The following SIK3 variants were observed in gnomAD, a reference collection of about 807,000 sequenced individuals.
The protein encoded by SIK3 is SIK family kinase 3, also known as serine/threonine-protein kinase SIK3.
Under a neutral mutation model 144.2 loss-of-function variants are expected in SIK3, and 28 were observed. The ratio of observed to expected loss-of-function variants is 0.19; its 90% CI spans 0.14 to 0.27. SIK3 has a LOEUF of 0.27. SIK3 is among the 10% of genes least tolerant of loss of function. SIK3 has a pLI of 1.00. For synonymous variants in SIK3, 686 were observed against 676.3 expected (o/e 1.01, Z -0.22); for missense variants, 1,319 against 1,776.0 (o/e 0.74, Z 4.62).
chr11:116,974,226 A>G (rs1949869334), intron 1 of SIK3, among the ~76,000 whole-genome samples: 1 of 152,218 alleles, frequency 6.6e-6, no homozygotes. Context: ...ATTCAAATTC[A>G]GTCTTAAATT....
In SIK3 at chr11:116,857,810, C is replaced by T; in HGVS notation, c.3655G>A (p.Glu1219Lys). ...ACTTCCACTGTGAGGAGACACTTAC[C>T]TCTGCTGGGCACCTTATTTTTACTG... ...AFSKNKVPSREPVIGNCMDRS... is the reference protein window; with the variant it reads ...AFSKNKVPSRKPVIGNCMDRS... The change falls in exon 21 of 25, where the codon GAG becomes AAG. Residue 1219 changes from glutamate to lysine, a missense_variant and splice_region_variant. Coordinates refer to ENST00000445177, the MANE Select transcript of SIK3 (RefSeq NM_001366686.3). 6.2e-7 allele frequency: 1 copy of T among 1,613,952 alleles called. No individual in the cohort carries two copies. Among genetic ancestry groups the T allele is most frequent in the Non-Finnish European group, 8.5e-7 (1 of 1,179,900 alleles).
Position 117,013,972 on chromosome 11 carries a change from C to CTTTTCTTTTTTTTTTT in SIK3, c.274-56909_274-56908insAAAAAAAAAAAGAAAA, listed in dbSNP as rs1951409266. Reference sequence around the variant, plus strand: ...TGTGTTTTATTTCTTTTTTTCTTTTCTTTTTTTTTTTTTTTTTTTTTTGAG... The same window carrying CTTTTCTTTTTTTTTTT: ...TGTGTTTTATTTCTTTTTTTCTTTTCTTTTCTTTTTTTTTTTTTTTTTTTTTTTTTTTTTTTTTGAG... On this transcript the variant is annotated intron_variant, in intron 1 of 24. Coordinates refer to ENST00000445177, the MANE Select transcript of SIK3 (RefSeq NM_001366686.3). Among the ~76,000 whole-genome samples the CTTTTCTTTTTTTTTTT allele has an allele frequency of 7.4e-5, 2 of 27,044 alleles. 1 individual carries two copies. 17.7% of individuals were successfully genotyped at this position (27,044 alleles called of 152,430 possible).
At chr11:116,883,419 A>G (rs535442224) in intron 6 of SIK3, among the ~76,000 whole-genome samples, 2 of 152,316 alleles carry the variant, frequency 1.3e-5, no homozygotes. Flanking sequence ...AAGTAAATCA[A>G]TAAGAAACCA....
chr11:116,855,462 CCTCT>C (rs1409139451), intron 21 of SIK3: 2 of 152,264 alleles, frequency 1.3e-5, no homozygotes, highest in East Asian at 3.8e-4. Flanking sequence ...AAGAAGGGGT[CCTCT>C]GACAATCAGG....
chr11:116,886,740 T>G (rs1439439324), intron 6 of SIK3, among the ~76,000 whole-genome samples: 3 of 127,796 alleles, frequency 2.3e-5, no homozygotes, highest in Admixed American at 8.0e-5. Flanking sequence ...AACTAGGCTT[T>G]AAGTATGTTG....
intron 4 of SIK3, among the ~76,000 whole-genome samples, chr11:116,919,938 C>T (rs907166823): frequency 7.9e-5 from 12 of 152,160 alleles, no homozygotes; most frequent in African/African-American, 2.2e-4. Flanking sequence ...CACCCTCATG[C>T]GGGATTTTAC....
chr11:116,994,077 G>C (rs1434380384), intron 1 of SIK3, among the ~76,000 whole-genome samples: 2 of 152,124 alleles, frequency 1.3e-5, no homozygotes, highest in Non-Finnish European at 2.9e-5. Context: ...ATACAACTAG[G>C]GTAAAGAAAA....
chr11:116,980,618 C>T (rs1027414567), intron 1 of SIK3, among the ~76,000 whole-genome samples: 1 of 152,064 alleles, frequency 6.6e-6, no homozygotes, highest in Non-Finnish European at 1.5e-5. Context: ...TTCGGGAGGC[C>T]GAAGTGGGCA....
chr11:116,999,956 T>G (rs1447474866), intron 1 of SIK3, among the ~76,000 whole-genome samples: 1 of 152,216 alleles, frequency 6.6e-6, no homozygotes, highest in Non-Finnish European at 1.5e-5. Flanking sequence ...AGAGCAACAG[T>G]GGGCATAATT....
intron 1 of SIK3, among the ~76,000 whole-genome samples, chr11:116,974,813 G>A (rs1348387610): frequency 6.6e-6 from 1 of 152,110 alleles, no homozygotes; most frequent in Non-Finnish European, 1.5e-5. Context: ...CTGGGAAATC[G>A]GTTTTCTCAA....
chr11:116,957,811 G>A (rs1374023827), intron 1 of SIK3, among the ~76,000 whole-genome samples: 2 of 152,112 alleles, frequency 1.3e-5, no homozygotes, highest in Non-Finnish European at 2.9e-5. Flanking sequence ...AGCCTAGGTA[G>A]CTTGGCTTTA....
At chr11:117,032,540 C>G (rs907568351) in intron 1 of SIK3, among the ~76,000 whole-genome samples, 1 of 152,014 alleles carries the variant, frequency 6.6e-6, no homozygotes, top group African/African-American at 2.4e-5. Context: ...TGCTCTGTTG[C>G]CCAGGCTCCT....
intron 1 of SIK3, among the ~76,000 whole-genome samples, chr11:117,037,336 A>T (rs996525668): frequency 6.6e-6 from 1 of 152,234 alleles, no homozygotes; most frequent in African/African-American, 2.4e-5. Context: ...TCTCTGTAAA[A>T]TATATAGCAA....
At chr11:116,957,369 G>A (rs976438310) in intron 1 of SIK3, among the ~76,000 whole-genome samples, 5 of 152,112 alleles carry the variant, frequency 3.3e-5, no homozygotes, top group Non-Finnish European at 5.9e-5. Context: ...TACGGTCTGG[G>A]TCAAATCATG....
At chr11:116,848,413 T>C (rs946808899) in intron 22 of SIK3, among the ~76,000 whole-genome samples, 2 of 152,182 alleles carry the variant, frequency 1.3e-5, no homozygotes, top group African/African-American at 4.8e-5. Flanking sequence ...TTAAATTGTT[T>C]TTAATTTTAA....
intron 1 of SIK3, among the ~76,000 whole-genome samples, chr11:117,086,458 G>A (rs867785195): frequency 2.6e-5 from 4 of 152,196 alleles, no homozygotes; most frequent in Non-Finnish European, 2.9e-5. Context: ...CTGGGAGGCC[G>A]AGGCGAGTGG....
Position 116,847,412 on chromosome 11 carries a change from C to T in SIK3, c.3952+64G>A, listed in dbSNP as rs141013615. 1.2e-4 allele frequency: 189 copies of T among 1,605,428 alleles called. 1 individual carries two copies. In the East Asian group the frequency reaches 3.2e-3, roughly 27 times the overall value. ...CTTCCTACGAAGAGAGGAGCAGTTA[C>T]GGAAGATGGAGGGAGGCCCCTCCAG... On this transcript the variant is annotated intron_variant, in intron 23 of 24. Transcript: ENST00000445177.
At chr11:116,957,140 A>G in intron 1 of SIK3, 76 bp from the exon 2 acceptor site, 3 of 694,570 alleles carry the variant, frequency 4.3e-6, no homozygotes, top group South Asian at 2.4e-5. Context: ...GTTCACTTTA[A>G]AACATTACGT....
chr11:116,857,817 G>A lies in SIK3; in HGVS notation c.3648C>T (p.Pro1216=), dbSNP rs1454838276. The change falls in exon 21 of 25, where the codon CCC becomes CCT. Residue 1216 remains proline, a synonymous_variant. Coordinates refer to ENST00000445177, the MANE Select transcript of SIK3 (RefSeq NM_001366686.3). Reference sequence around the variant, plus strand: ...CTGTGAGGAGACACTTACCTCTGCTGGGCACCTTATTTTTACTGAATGCAG... The same window carrying A: ...CTGTGAGGAGACACTTACCTCTGCTAGGCACCTTATTTTTACTGAATGCAG... ...PTAAFSKNKV[P]SREPVIGNCM... 1 of 1,613,974 alleles carries A rather than the reference G, an allele frequency of 6.2e-7. No homozygotes were observed. Among genetic ancestry groups the A allele is most frequent in the Non-Finnish European group, 8.5e-7 (1 of 1,179,990 alleles).
Sources: gnomAD v4.1 joint callset for allele counts (sites outside exome capture counted in the v4.1 genomes callset) on GRCh38, gnomAD v4.1.1 for gene constraint, MANE v1.5 for transcripts, NCBI Gene and HGNC (gene_info 2026-07-23, HGNC 2026-07-21) for gene names.